The following CAMK4 variants were observed in gnomAD, a reference collection of about 807,000 sequenced individuals.
CAMK4 encodes calcium/calmodulin dependent protein kinase IV, also known as calcium/calmodulin-dependent protein kinase type IV.
In CAMK4, 22 loss-of-function variants were observed where a neutral mutation model predicts 44.9. That is an observed-to-expected ratio of 0.49 (90% CI 0.35 to 0.70). The LOEUF is 0.70. CAMK4 is among the 30% of genes least tolerant of loss of function. CAMK4 has a pLI of 0.01. For missense variants in CAMK4, 498 were observed against 586.8 expected (o/e 0.85, Z 1.56); for synonymous variants, 218 against 215.4 (o/e 1.01, Z -0.11).
At chr5:111,330,096 C>T (rs1749098790) in intron 1 of CAMK4, among the ~76,000 whole-genome samples, 1 of 137,672 alleles carries the variant, frequency 7.3e-6, no homozygotes, top group Non-Finnish European at 1.6e-5. Context: ...CCCACCACCC[C>T]TACAAAAAAA....
chr5:111,474,928 C>T (rs576523089), intron 8 of CAMK4, among the ~76,000 whole-genome samples: 85 of 152,250 alleles, frequency 5.6e-4, no homozygotes, highest in African/African-American at 2.0e-3. Flanking sequence ...TTCGGGAGGC[C>T]GAGACGGGTG....
intron 1 of CAMK4, among the ~76,000 whole-genome samples, chr5:111,311,494 G>A (rs914987011): frequency 2.6e-5 from 4 of 152,170 alleles, no homozygotes; most frequent in Admixed American, 6.5e-5. Flanking sequence ...GGGTGCAGAA[G>A]AGAGTAAAAA....
In CAMK4 at chr5:111,268,164, T is replaced by C. The variant is rs115372967; in HGVS notation, c.161+43520T>C. 5.6e-3 allele frequency among the ~76,000 whole-genome samples: 856 copies of C among 152,318 alleles called. 7 individuals carry two copies. The highest frequency in any genetic ancestry group is 0.02 in the African/African-American group (812 of 41,572). On this transcript the variant is annotated intron_variant, in intron 1 of 10. Transcript: ENST00000282356. The stretch of plus-strand genomic sequence containing the variant: ...TAGATCCATGGACACATTAGATCCA[T>C]TGGGGATGAGCGATTCTCCTTTTAT...
intron 1 of CAMK4, among the ~76,000 whole-genome samples, chr5:111,264,283 C>G (rs1460262179): frequency 6.6e-6 from 1 of 152,082 alleles, no homozygotes; most frequent in Non-Finnish European, 1.5e-5. Flanking sequence ...TGGCTCTGTT[C>G]CATGTGCAGT....
chr5:111,235,398 A>T (rs1441053349), intron 1 of CAMK4, among the ~76,000 whole-genome samples: 1 of 152,098 alleles, frequency 6.6e-6, no homozygotes, highest in Non-Finnish European at 1.5e-5. Flanking sequence ...CCTGGCCTAG[A>T]GTGTTCAGTT....
At chr5:111,448,470 A>G (rs1004845962) in intron 6 of CAMK4, among the ~76,000 whole-genome samples, 4 of 152,244 alleles carry the variant, frequency 2.6e-5, no homozygotes, top group Non-Finnish European at 5.9e-5. Flanking sequence ...TTTCAGAAGT[A>G]ACAACATTAG....
Position 111,351,298 on chromosome 5 carries a change from C to T in CAMK4, c.240+7196C>T, listed in dbSNP as rs936905930. ...AACTGGCCAAGTGATGAGCACTGGC[C>T]AATTGACAGACATTAGCTCCCACAT... is the stretch of plus-strand genomic sequence containing the variant. On this transcript the variant is annotated intron_variant, in intron 2 of 10. Coordinates refer to ENST00000282356, the MANE Select transcript of CAMK4 (RefSeq NM_001744.6). 5.3e-5 allele frequency among the ~76,000 whole-genome samples: 8 copies of T among 152,170 alleles called. 1 individual carries two copies. The East Asian group carries it at 5.8e-4, about 11-fold the overall frequency.
intron 1 of CAMK4, among the ~76,000 whole-genome samples, chr5:111,335,917 GA>G (rs566826892): frequency 9.3e-5 from 14 of 151,318 alleles, no homozygotes; most frequent in African/African-American, 3.4e-4. Context: ...TTTGTGTAAT[GA>G]AAAATATGGT....
rs769859340 is a variant in CAMK4, at chr5:111,485,203, A to G, written c.*737A>G. ...CATTCTTTCCTTCACCTGCTCTCCA[A>G]TAAGATGACTTTCTGATAGACAAAG... is the stretch of plus-strand genomic sequence containing the variant. On this transcript the variant is annotated 3_prime_UTR_variant, in exon 11 of 11. Coordinates refer to ENST00000282356, the MANE Select transcript of CAMK4 (RefSeq NM_001744.6). 2.6e-5 allele frequency: 4 copies of G among 152,222 alleles called. No individual in the cohort carries two copies. Among genetic ancestry groups the G allele is most frequent in the African/African-American group, 4.8e-5 (2 of 41,468 alleles). The allele number at this position is 152,222 out of a possible 1,614,324, so 9.4% of individuals were successfully genotyped here.
At chr5:111,372,550 G>C (rs1002807920) in intron 2 of CAMK4, among the ~76,000 whole-genome samples, 15 of 152,246 alleles carry the variant, frequency 9.9e-5, no homozygotes, top group African/African-American at 3.4e-4. Flanking sequence ...ACAGGGGAGA[G>C]AGAGATTATC....
chr5:111,450,985 A>T (rs1433414885), intron 7 of CAMK4, among the ~76,000 whole-genome samples: 1 of 152,192 alleles, frequency 6.6e-6, no homozygotes, highest in Admixed American at 6.5e-5. Flanking sequence ...CTACAAAACT[A>T]ACTCCTTTTA....
At chr5:111,244,228 T>A (rs990708216) in intron 1 of CAMK4, among the ~76,000 whole-genome samples, 2 of 152,248 alleles carry the variant, frequency 1.3e-5, no homozygotes, top group African/African-American at 4.8e-5. Flanking sequence ...GATTTAGATT[T>A]AAAAATATGC....
intron 6 of CAMK4, among the ~76,000 whole-genome samples, chr5:111,448,359 C>T (rs1222725720): frequency 6.6e-6 from 1 of 152,186 alleles, no homozygotes; most frequent in Non-Finnish European, 1.5e-5. Context: ...TCTCGTGTCA[C>T]TGATGAAAGT....
chr5:111,376,885 C>T lies in CAMK4; in HGVS notation c.329C>T (p.Thr110Ile). 1 of 1,601,746 alleles carries T rather than the reference C, an allele frequency of 6.2e-7. No individual in the cohort carries two copies. Among genetic ancestry groups the T allele is most frequent in the Non-Finnish European group, 8.5e-7 (1 of 1,170,712 alleles). The change falls in exon 4 of 11, where the codon ACC becomes ATC. Residue 110 changes from threonine (T) to isoleucine (I), a missense_variant. Coordinates refer to ENST00000282356, the MANE Select transcript of CAMK4 (RefSeq NM_001744.6). ...NIIKLKEIFE[T>I]PTEISLVLEL... ...ATAAAACTTAAAGAGATATTTGAAA[C>T]CCCTACAGAAATCAGTCTGGTCCTA...
chr5:111,238,578 C>G (rs996258867), intron 1 of CAMK4, among the ~76,000 whole-genome samples: 2 of 151,104 alleles, frequency 1.3e-5, no homozygotes, highest in Non-Finnish European at 2.9e-5. Context: ...CCACCCCAGT[C>G]TGTGGCACTT....
At chr5:111,390,658 A>T (rs1266913449) in intron 4 of CAMK4, among the ~76,000 whole-genome samples, 1 of 152,226 alleles carries the variant, frequency 6.6e-6, no homozygotes, top group East Asian at 1.9e-4. Context: ...TGCTATTAGA[A>T]ATGTTTTTTC....
intron 7 of CAMK4, among the ~76,000 whole-genome samples, chr5:111,470,943 C>T (rs1580797722): frequency 6.6e-6 from 1 of 152,304 alleles, no homozygotes; most frequent in East Asian, 1.9e-4. Flanking sequence ...AGGCAAAATG[C>T]CTTGAGCATC....
rs1300873973 is a variant in CAMK4, at chr5:111,446,951, A to G, written c.550+175A>G. Among the ~76,000 whole-genome samples the G allele has an allele frequency of 3.3e-5, 5 of 152,294 alleles. No individual in the cohort carries two copies. The East Asian group carries it at 9.6e-4, about 29-fold the overall frequency. On this transcript the variant is annotated intron_variant, in intron 6 of 10. Coordinates refer to ENST00000282356, the MANE Select transcript of CAMK4 (RefSeq NM_001744.6). ...TTGGAAGTTTTTGCTCTTTCCTGGA[A>G]TGTTTATTTGGAAAATATTGCTTAG...
At chr5:111,396,861 G>A (rs191297592) in intron 5 of CAMK4, among the ~76,000 whole-genome samples, 72 of 151,824 alleles carry the variant, frequency 4.7e-4, no homozygotes, top group African/African-American at 1.7e-3. Flanking sequence ...GGCTGACCTC[G>A]AACTCCTGAC....
Sources: gnomAD v4.1 joint callset for allele counts (sites outside exome capture counted in the v4.1 genomes callset) on GRCh38, gnomAD v4.1.1 for gene constraint, MANE v1.5 for transcripts, NCBI Gene and HGNC (gene_info 2026-07-23, HGNC 2026-07-21) for gene names.